Variants in ZFPM2 observed in about 807,000 individuals in gnomAD.
The protein encoded by ZFPM2 is zinc finger protein ZFPM2.
ZFPM2 carries 20 observed loss-of-function variants against 98.6 expected under a neutral mutation model. That is an observed-to-expected ratio of 0.20 (90% confidence interval 0.14 to 0.29). The LOEUF (loss-of-function observed/expected upper bound fraction) is 0.29, where lower values mean the gene tolerates loss of function less well. Ranked by LOEUF, ZFPM2 falls within the 10% of genes least tolerant of loss-of-function variation. ZFPM2 has a pLI of 1.00. For synonymous variants in ZFPM2, 518 were observed against 502.7 expected (o/e 1.03, Z -0.41); for missense variants, 1,310 against 1,388.6 (o/e 0.94, Z 0.90).
At chr8:105,520,006 T>A (rs976616314) in intron 3 of ZFPM2, among the ~76,000 whole-genome samples, 3 of 152,134 alleles carry the variant, frequency 2.0e-5, no homozygotes, top group African/African-American at 7.2e-5. Context: ...CTAAAAAAAA[T>A]TGTTTTGATA....
At chr8:105,399,573 T>G (rs1811293658) in intron 1 of ZFPM2, among the ~76,000 whole-genome samples, 1 of 152,184 alleles carries the variant, frequency 6.6e-6, no homozygotes, top group Non-Finnish European at 1.5e-5. Context: ...TTCTCCTTTA[T>G]TCACTATTCA....
chr8:105,531,356 A>G (rs1814293100), intron 3 of ZFPM2, among the ~76,000 whole-genome samples: 1 of 152,242 alleles, frequency 6.6e-6, no homozygotes, highest in South Asian at 2.1e-4. Context: ...GCCTCTTCCT[A>G]GATTCTCGTC....
At chr8:105,491,955 C>T (rs1365190656) in intron 3 of ZFPM2, among the ~76,000 whole-genome samples, 2 of 152,110 alleles carry the variant, frequency 1.3e-5, no homozygotes, top group Non-Finnish European at 2.9e-5. Context: ...GGAAATACAA[C>T]ACAAGTCATT....
intron 5 of ZFPM2, among the ~76,000 whole-genome samples, chr8:105,696,314 C>T (rs1277105289): frequency 6.6e-6 from 1 of 152,170 alleles, no homozygotes; most frequent in Non-Finnish European, 1.5e-5. Flanking sequence ...GAATCCTTCA[C>T]TTACCCTTAT....
chr8:105,454,903 G>T (rs1477132273), intron 3 of ZFPM2, among the ~76,000 whole-genome samples: 1 of 152,110 alleles, frequency 6.6e-6, no homozygotes, highest in East Asian at 1.9e-4. Flanking sequence ...GACTTTGATA[G>T]CCTATTTACT....
chr8:105,623,901 G>A (rs1816603154), intron 4 of ZFPM2, among the ~76,000 whole-genome samples: 1 of 152,092 alleles, frequency 6.6e-6, no homozygotes, highest in Non-Finnish European at 1.5e-5. Context: ...AAGTTAAAAT[G>A]GCTTTATTTA....
At chr8:105,517,588 G>A (rs778270367) in intron 3 of ZFPM2, among the ~76,000 whole-genome samples, 24 of 151,770 alleles carry the variant, frequency 1.6e-4, no homozygotes, top group Non-Finnish European at 3.5e-4. Flanking sequence ...AATGGTTCAC[G>A]CCTGTAATCC....
intron 5 of ZFPM2, among the ~76,000 whole-genome samples, chr8:105,706,700 C>T (rs1243784116): frequency 6.6e-6 from 1 of 152,058 alleles, no homozygotes; most frequent in Non-Finnish European, 1.5e-5. Flanking sequence ...TTGCCTCAGC[C>T]TCCCAAGTAG....
At chr8:105,319,697 G>C (rs1031975558) in intron 1 of ZFPM2, 2 of 152,292 alleles carry the variant, frequency 1.3e-5, no homozygotes, top group African/African-American at 4.8e-5. Context: ...GTCTGGCCCT[G>C]GTGGCGCGCG....
intron 3 of ZFPM2, 23 bp from the exon 4 acceptor site, chr8:105,561,340 C>T (rs781568922): frequency 5.0e-6 from 8 of 1,588,100 alleles, no homozygotes; most frequent in Non-Finnish European, 6.0e-6. Context: ...GTATTCTAAA[C>T]ACTTCTGTTC....
intron 5 of ZFPM2, among the ~76,000 whole-genome samples, chr8:105,773,585 C>T (rs1047574087): frequency 8.0e-5 from 12 of 150,872 alleles, no homozygotes; most frequent in African/African-American, 2.9e-4. Flanking sequence ...AGAAATAGAA[C>T]TAATTAACTA....
chr8:105,476,098 C>T (rs78793885), intron 3 of ZFPM2, among the ~76,000 whole-genome samples: 2,982 of 152,232 alleles, frequency 0.02, 97 homozygotes, highest in African/African-American at 0.068. Context: ...AATAATGCCA[C>T]GAACTACTAT....
At chr8:105,565,633 C>G (rs1227356243) in intron 4 of ZFPM2, among the ~76,000 whole-genome samples, 3 of 152,070 alleles carry the variant, frequency 2.0e-5, no homozygotes, top group African/African-American at 7.2e-5. Flanking sequence ...AATAATACTG[C>G]CTAGCTTATA....
At chr8:105,560,887 A>G (rs1815120342) in intron 3 of ZFPM2, among the ~76,000 whole-genome samples, 1 of 152,304 alleles carries the variant, frequency 6.6e-6, no homozygotes, top group Admixed American at 6.5e-5. Context: ...CTTGCTATAT[A>G]TTGTACATGT....
chr8:105,631,556 T>C (rs1816756058), intron 4 of ZFPM2, among the ~76,000 whole-genome samples: 1 of 152,162 alleles, frequency 6.6e-6, no homozygotes, highest in African/African-American at 2.4e-5. Flanking sequence ...TTGCCTCTTC[T>C]ATGATGTGTC....
At chr8:105,336,191 C>A (rs1441527658) in intron 1 of ZFPM2, among the ~76,000 whole-genome samples, 1 of 151,670 alleles carries the variant, frequency 6.6e-6, no homozygotes, top group Non-Finnish European at 1.5e-5. Flanking sequence ...TTCCTTGTGT[C>A]GTGTCCTTTT....
Position 105,801,073 on chromosome 8 carries a change from C to T in ZFPM2, c.991C>T (p.Pro331Ser), listed in dbSNP as rs1009890614. Residue 331 changes from proline (P) to serine (S), a missense_variant, in exon 8 of 8, where the codon CCT (proline) becomes TCT (serine). Physicochemically the swap from Pro to Ser is moderately conservative, Grantham distance 74 (BLOSUM62 -1). Transcript: ENST00000407775. ...AGTGAAAATGGAAGAATTCCTGCCC[C>T]CTGGTGCTAGTCTAAAATGCACCGT... Reference protein sequence around the residue: ...SGVKMEEFLPPGASLKCTVCS... With the variant: ...SGVKMEEFLPSGASLKCTVCS... 2.9e-5 allele frequency: 47 copies of T among 1,613,318 alleles called. No homozygotes were observed. The highest frequency in any genetic ancestry group is 3.6e-5 in the Non-Finnish European group (42 of 1,179,480).
rs1165726984 is a variant in ZFPM2, at chr8:105,695,378, A to ATT, written c.532+61046_532+61047dup. 2.2e-3 allele frequency among the ~76,000 whole-genome samples: 163 copies of ATT among 74,830 alleles called. 4 individuals carry two copies. The highest frequency in any genetic ancestry group is 5.3e-3 in the East Asian group (10 of 1,902). 49.1% of individuals were successfully genotyped at this position (74,830 alleles called of 152,430 possible). ...TTTAAGTCAGGCAAGAATGGTTTGT[A>ATT]TTTTTTTTTTTTTTTTTTTTTTTTT... is the stretch of plus-strand genomic sequence containing the variant. On this transcript the variant is annotated intron_variant, in intron 5 of 7. Transcript: ENST00000407775.
At chr8:105,608,276 C>T (rs1816236121) in intron 4 of ZFPM2, among the ~76,000 whole-genome samples, 1 of 151,994 alleles carries the variant, frequency 6.6e-6, no homozygotes, top group Admixed American at 6.6e-5. Context: ...ACAAGTTTAC[C>T]TGTGTAACAA....
Sources: gnomAD v4.1 joint callset for allele counts (sites outside exome capture counted in the v4.1 genomes callset) on GRCh38, gnomAD v4.1.1 for gene constraint, MANE v1.5 for transcripts, NCBI Gene and HGNC (gene_info 2026-07-23, HGNC 2026-07-21) for gene names.